Variants in DAB1 observed in about 807,000 individuals in gnomAD.
DAB1 encodes disabled homolog 1.
Under a neutral mutation model 64.6 loss-of-function variants are expected in DAB1, and 15 were observed. That is an observed-to-expected ratio of 0.23 (90% confidence interval 0.16 to 0.36). The LOEUF is 0.36. DAB1 is among the 10% of genes least tolerant of loss of function. The pLI is 1.00. For synonymous variants in DAB1, 235 were observed against 251.9 expected (o/e 0.93, Z 0.64); for missense variants, 596 against 706.7 (o/e 0.84, Z 1.78).
intron 7 of DAB1, among the ~76,000 whole-genome samples, chr1:57,448,639 T>C (rs1198032052): frequency 1.3e-5 from 2 of 152,190 alleles, no homozygotes; most frequent in Non-Finnish European, 2.9e-5. Flanking sequence ...ATCAAGACAT[T>C]GTACTTGCTT....
Position 57,311,135 on chromosome 1 carries a change from A to G in DAB1, c.-136-19969T>C, listed in dbSNP as rs190526751. On this transcript the variant is annotated intron_variant, in intron 1 of 14. Transcript: ENST00000371236. The stretch of plus-strand genomic sequence containing the variant: ...TTGTTCATTTGATGGCCCCAAGAAA[A>G]CGACAGCTGTTAAGTGTCACCCAGC... 6.0e-4 allele frequency among the ~76,000 whole-genome samples: 92 copies of G among 152,238 alleles called. 1 individual carries two copies. The highest frequency in any genetic ancestry group is 2.9e-5 in the Non-Finnish European group (2 of 68,020).
chr1:58,478,376 G>T (rs571631508), intron 3 of DAB1, among the ~76,000 whole-genome samples: 105 of 152,192 alleles, frequency 6.9e-4, no homozygotes, highest in African/African-American at 2.2e-3. Context: ...GTGTGAAAAT[G>T]GACTAATAGT....
chr1:57,010,570 G>A, intron 14 of DAB1, 110 bp downstream of exon 14: 1 of 545,750 alleles, frequency 1.8e-6, no homozygotes, highest in East Asian at 3.0e-5. Flanking sequence ...TACAGCTCAG[G>A]CAAGGAGACA....
intron 2 of DAB1, among the ~76,000 whole-genome samples, chr1:57,155,753 CTTT>C (rs369604250): frequency 1.6e-4 from 21 of 128,000 alleles, no homozygotes; most frequent in African/African-American, 4.5e-4. Context: ...AGAGATCTTT[CTTT>C]TTTTTTTTTT....
At position 58,056,206 on chromosome 1, in the gene DAB1, C is replaced by A. The variant is rs768731084; in HGVS notation, n.387+94305G>T. The A allele has an allele frequency of 5.3e-6, 8 of 1,520,348 alleles. No homozygotes were observed. In the Admixed American group the frequency reaches 1.2e-4, roughly 22 times the overall value. 94.2% of individuals were successfully genotyped at this position (1,520,348 alleles called of 1,614,324 possible). A position where few individuals can be genotyped will look rare whatever the true frequency, so the allele number is the denominator to read the frequency against. ...TCGGGATGGGGGTGTTCGGTCCTTGCGGGCTTCACGAGATCGATTCCTGAC... is the reference window on the plus strand; with the variant it reads ...TCGGGATGGGGGTGTTCGGTCCTTGAGGGCTTCACGAGATCGATTCCTGAC... On this transcript the variant is annotated intron_variant and non_coding_transcript_variant, in intron 5 of 20. Coordinates refer to the DAB1 transcript ENST00000485760.
chr1:57,698,874 T>C (rs886548655), intron 6 of DAB1, among the ~76,000 whole-genome samples: 1 of 152,246 alleles, frequency 6.6e-6, no homozygotes, highest in Non-Finnish European at 1.5e-5. Flanking sequence ...TTAGATTCAT[T>C]AAATGTAATA....
intron 5 of DAB1, among the ~76,000 whole-genome samples, chr1:57,915,094 G>A (rs1433130608): frequency 1.4e-5 from 2 of 144,702 alleles, no homozygotes; most frequent in Non-Finnish European, 3.0e-5. Flanking sequence ...AGATATGTAG[G>A]AAGGTAAAGA....
chr1:57,007,073 C>A (rs1646100300), intron 14 of DAB1, among the ~76,000 whole-genome samples: 1 of 152,034 alleles, frequency 6.6e-6, no homozygotes, highest in Admixed American at 6.5e-5. Context: ...TTCGTCTTCC[C>A]AAAGCATCTG....
At chr1:57,005,208 A>G (rs1300068091) in intron 14 of DAB1, among the ~76,000 whole-genome samples, 2 of 152,168 alleles carry the variant, frequency 1.3e-5, no homozygotes, top group Non-Finnish European at 2.9e-5. Context: ...TCTGAAGAAC[A>G]TTCTATTTCC....
upstream of DAB1, among the ~76,000 whole-genome samples, chr1:57,426,529 G>A (rs1481826268): frequency 1.3e-5 from 2 of 151,924 alleles, no homozygotes; most frequent in Non-Finnish European, 2.9e-5. Flanking sequence ...AATGTCATTT[G>A]TATTAAGTGT....
At chr1:57,805,344 A>G (rs562278915) in intron 6 of DAB1, among the ~76,000 whole-genome samples, 1 of 152,308 alleles carries the variant, frequency 6.6e-6, no homozygotes, top group South Asian at 2.1e-4. Context: ...ATATTCACCA[A>G]GGTTTCACTA....
chr1:58,414,126 C>A (rs1267119019), intron 3 of DAB1, among the ~76,000 whole-genome samples: 3 of 152,192 alleles, frequency 2.0e-5, no homozygotes, highest in African/African-American at 7.2e-5. Context: ...CCTTATGGAA[C>A]CACTGTCACA....
intron 2 of DAB1, among the ~76,000 whole-genome samples, chr1:57,223,031 C>T (rs1666998340): frequency 6.6e-6 from 1 of 152,150 alleles, no homozygotes; most frequent in Non-Finnish European, 1.5e-5. Context: ...GAGTTCCTTC[C>T]AGCAGGCTGA....
At chr1:57,722,819 C>T (rs1003083661) in intron 6 of DAB1, among the ~76,000 whole-genome samples, 2 of 152,172 alleles carry the variant, frequency 1.3e-5, no homozygotes, top group African/African-American at 4.8e-5. Flanking sequence ...GGGTTTGAGG[C>T]TACATTGAGC....
chr1:57,643,808 G>A (rs565838763), intron 7 of DAB1, among the ~76,000 whole-genome samples: 4 of 152,248 alleles, frequency 2.6e-5, no homozygotes, highest in South Asian at 2.1e-4. Flanking sequence ...GGGCTAATCC[G>A]AGACTGGGTA....
intron 3 of DAB1, among the ~76,000 whole-genome samples, chr1:58,453,080 A>G (rs1645156216): frequency 6.6e-6 from 1 of 152,222 alleles, no homozygotes; most frequent in South Asian, 2.1e-4. Context: ...AAACAACAAC[A>G]AACAACATGG....
chr1:58,415,111 T>C (rs1206666533), intron 3 of DAB1, among the ~76,000 whole-genome samples: 3 of 152,122 alleles, frequency 2.0e-5, no homozygotes, highest in African/African-American at 4.8e-5. Flanking sequence ...GCCTTCATAA[T>C]AGGATTAGTG....
intron 6 of DAB1, among the ~76,000 whole-genome samples, chr1:57,654,795 C>T (rs918997784): frequency 3.9e-5 from 6 of 152,096 alleles, no homozygotes; most frequent in Admixed American, 2.0e-4. Flanking sequence ...AATTGATGCT[C>T]AGTATTAAAC....
chr1:57,008,339 A>G (rs891922719), intron 14 of DAB1, among the ~76,000 whole-genome samples: 3 of 152,176 alleles, frequency 2.0e-5, no homozygotes, highest in African/African-American at 4.8e-5. Flanking sequence ...CCTCCCAACC[A>G]ATGGTCTTAT....
Sources: allele counts gnomAD v4.1 joint callset (sites outside exome capture counted in the v4.1 genomes callset), GRCh38; gene constraint gnomAD v4.1.1; transcripts MANE v1.5; gene names NCBI Gene and HGNC (gene_info 2026-07-23, HGNC 2026-07-21).